The following POLR2F variants were observed in gnomAD, a reference collection of about 807,000 sequenced individuals.
POLR2F encodes DNA-directed RNA polymerases I, II, and III subunit RPABC2.
POLR2F carries 12 observed loss-of-function variants against 22.7 expected under a neutral mutation model. The observed-to-expected ratio is 0.53, with a 90% confidence interval of 0.34 to 0.86. The LOEUF (loss-of-function observed/expected upper bound fraction) is 0.86. Among genes scored for constraint, POLR2F ranks in the 40% least tolerant of loss-of-function variants. POLR2F has a pLI of 0.02. For synonymous variants in POLR2F, 57 were observed against 66.0 expected (o/e 0.86, Z 0.66); for missense variants, 126 against 171.5 (o/e 0.73, Z 1.48).
At chr22:37,998,800 C>G (rs1027007077) in intron 1 of POLR2F, among the ~76,000 whole-genome samples, 10 of 151,312 alleles carry the variant, frequency 6.6e-5, no homozygotes, top group South Asian at 2.1e-4. Context: ...AAGCACTGAT[C>G]GACTCCCAGA....
downstream of POLR2F, among the ~76,000 whole-genome samples, chr22:38,027,802 A>G (rs2085028768): frequency 6.6e-6 from 1 of 152,146 alleles, no homozygotes; most frequent in Non-Finnish European, 1.5e-5. Flanking sequence ...GTGCGGGCTC[A>G]TAGGCAAGGA....
chr22:38,041,272 T>G, downstream of POLR2F: 4 of 955,996 alleles, frequency 4.2e-6, no homozygotes, highest in Non-Finnish European at 6.3e-6. Context: ...GAGGGAGGTT[T>G]CCAGGACACC....
At chr22:38,015,142 T>C (rs2084905944) in intron 1 of POLR2F, among the ~76,000 whole-genome samples, 2 of 152,078 alleles carry the variant, frequency 1.3e-5, no homozygotes, top group Non-Finnish European at 1.5e-5. Flanking sequence ...TGAACAGAAG[T>C]GAGATTGGAT....
chr22:37,964,206 C>G (rs1341530782), intron 3 of POLR2F, among the ~76,000 whole-genome samples: 1 of 151,764 alleles, frequency 6.6e-6, no homozygotes, highest in East Asian at 1.9e-4. Context: ...AAGGCAGATG[C>G]GAGTGGTGCT....
intron 1 of POLR2F, among the ~76,000 whole-genome samples, chr22:38,007,689 C>A (rs947108366): frequency 2.6e-5 from 4 of 152,208 alleles, no homozygotes; most frequent in African/African-American, 9.6e-5. Flanking sequence ...TGCCTGGGCC[C>A]ATCAGCAGCA....
At chr22:38,014,641 T>C (rs1451173883) in intron 1 of POLR2F, among the ~76,000 whole-genome samples, 2 of 150,954 alleles carry the variant, frequency 1.3e-5, no homozygotes, top group East Asian at 3.9e-4. Context: ...TACAGGACCA[T>C]GCCCAGCTAA....
At chr22:38,041,109 T>C, downstream of POLR2F, 1 of 1,612,812 alleles carries the variant, frequency 6.2e-7, no homozygotes, top group South Asian at 1.1e-5. Context: ...TGAAGCCCCG[T>C]GAACAATGCA....
chr22:37,953,831 T>C lies in POLR2F; in HGVS notation c.20+24T>C, dbSNP rs1201173031. The C allele has an allele frequency of 5.0e-6, 8 of 1,605,606 alleles. No individual in the cohort carries two copies. In the Admixed American group the frequency reaches 8.5e-5, roughly 17 times the overall value. On this transcript the variant is annotated intron_variant, in intron 1 of 4. Coordinates refer to ENST00000442738, the MANE Select transcript of POLR2F (RefSeq NM_021974.5). ...AAGTGAGTGCGGGAGCGGAGTGGCC[T>C]TTGCGGCAACCTTGGAAGGGGCGGA...
intron 1 of POLR2F, among the ~76,000 whole-genome samples, chr22:38,020,361 T>C (rs923428297): frequency 2.6e-5 from 4 of 151,898 alleles, no homozygotes; most frequent in African/African-American, 4.8e-5. Flanking sequence ...TCCTCCCGGA[T>C]TCAAGCAATT....
At chr22:38,015,373 G>C (rs540498989) in intron 1 of POLR2F, among the ~76,000 whole-genome samples, 1 of 152,282 alleles carries the variant, frequency 6.6e-6, no homozygotes, top group South Asian at 2.1e-4. Flanking sequence ...GGGTGAACAG[G>C]AGACTTTCCC....
intron 3 of POLR2F, among the ~76,000 whole-genome samples, chr22:37,962,247 C>CAAACA (rs1931672783): frequency 1.4e-5 from 2 of 147,244 alleles, no homozygotes; most frequent in African/African-American, 5.0e-5. Flanking sequence ...AACAAACAAA[C>CAAACA]AAAAAAAAAA....
intron 3 of POLR2F, among the ~76,000 whole-genome samples, chr22:37,961,955 G>A (rs1418455936): frequency 1.3e-5 from 2 of 152,150 alleles, no homozygotes; most frequent in Admixed American, 6.6e-5. Context: ...AAGCAGCTGG[G>A]TGCCGTGGCT....
chr22:37,982,105 T>A (rs1601885702), upstream of POLR2F, among the ~76,000 whole-genome samples: 1 of 152,196 alleles, frequency 6.6e-6, no homozygotes, highest in East Asian at 1.9e-4. Context: ...GGAACCCAGA[T>A]GCTCCTCACT....
At chr22:38,014,920 AC>A (rs1351434568) in intron 1 of POLR2F, among the ~76,000 whole-genome samples, 1 of 136,850 alleles carries the variant, frequency 7.3e-6, no homozygotes. Context: ...CCATTCTCCC[AC>A]CTCAGCTTCC....
downstream of POLR2F, chr22:37,973,367 C>A (rs986768596): frequency 2.7e-5 from 18 of 666,382 alleles, no homozygotes; most frequent in Middle Eastern, 4.2e-4. Context: ...GAAAGCCCCC[C>A]GACCTGTCAG....
chr22:37,990,623 G>A (rs1005370718), intron 1 of POLR2F, among the ~76,000 whole-genome samples: 6 of 152,240 alleles, frequency 3.9e-5, no homozygotes, highest in Non-Finnish European at 5.9e-5. Flanking sequence ...TGATGGGAGA[G>A]ACCGATGTAG....
chr22:38,018,934 C>T (rs893444059), intron 1 of POLR2F, among the ~76,000 whole-genome samples: 2 of 152,168 alleles, frequency 1.3e-5, no homozygotes, highest in African/African-American at 2.4e-5. Context: ...ATGAAATCCC[C>T]CCGTCTCCAG....
downstream of POLR2F, among the ~76,000 whole-genome samples, chr22:37,972,065 A>G (rs1394217431): frequency 4.3e-5 from 5 of 116,968 alleles, no homozygotes; most frequent in Admixed American, 9.4e-5. Flanking sequence ...GGGAGGGGGG[A>G]GAGAGAGAGA....
chr22:37,994,579 A>C (rs1246956337), intron 1 of POLR2F, among the ~76,000 whole-genome samples: 1 of 152,030 alleles, frequency 6.6e-6, no homozygotes, highest in Non-Finnish European at 1.5e-5. Flanking sequence ...AGTGCAGTGG[A>C]GTGATCTCGG....
Sources: allele counts gnomAD v4.1 joint callset (sites outside exome capture counted in the v4.1 genomes callset), GRCh38; gene constraint gnomAD v4.1.1; transcripts MANE v1.5; gene names NCBI Gene and HGNC (gene_info 2026-07-23, HGNC 2026-07-21).